The following MEGF11 variants were observed in gnomAD, a reference collection of about 807,000 sequenced individuals.
The protein encoded by MEGF11 is multiple EGF like domains 11.
Under a neutral mutation model 146.6 loss-of-function variants are expected in MEGF11, and 126 were observed. The ratio of observed to expected loss-of-function variants is 0.86; its 90% CI spans 0.74 to 1.00. The LOEUF is 1.00. Ranked by LOEUF, MEGF11 falls within the 50% of genes least tolerant of loss-of-function variation. MEGF11 has a pLI of 0.00. For missense variants in MEGF11, 1,509 were observed against 1,521.2 expected (o/e 0.99, Z 0.13); for synonymous variants, 532 against 583.4 (o/e 0.91, Z 1.27).
intron 5 of MEGF11, among the ~76,000 whole-genome samples, chr15:66,085,811 T>TC (rs1344679749): frequency 3.9e-5 from 6 of 152,120 alleles, no homozygotes; most frequent in Non-Finnish European, 5.9e-5. Context: ...CAGCAATGGA[T>TC]CCAAACCAAG....
rs765630804 is a variant in MEGF11, at chr15:66,123,879, C to G, written c.200+20G>C. 12 of 1,600,556 alleles carry G rather than the reference C, an allele frequency of 7.5e-6. No homozygotes were observed. Among genetic ancestry groups the G allele is most frequent in the African/African-American group, 6.7e-5 (5 of 74,632 alleles). Reference sequence around the variant, plus strand: ...GCCCAGTGCCTTTTCCCTGCCCCATCATCTGAGAGAGGTACTCACCGGTGC... The same window carrying G: ...GCCCAGTGCCTTTTCCCTGCCCCATGATCTGAGAGAGGTACTCACCGGTGC... On this transcript the variant is annotated intron_variant, in intron 3 of 25. Coordinates refer to ENST00000395614, the MANE Select transcript of MEGF11 (RefSeq NM_001385028.1).
At chr15:66,142,384 G>A (rs935992238) in intron 1 of MEGF11, among the ~76,000 whole-genome samples, 4 of 152,312 alleles carry the variant, frequency 2.6e-5, no homozygotes, top group Non-Finnish European at 4.4e-5. Flanking sequence ...CAGAACAGGC[G>A]CCCGCCAGAC....
In MEGF11 at chr15:66,194,242, G is replaced by A. The variant is rs147956234; in HGVS notation, c.-9+59363C>T. Among the ~76,000 whole-genome samples the A allele has an allele frequency of 6.2e-3, 950 of 152,278 alleles. 8 individuals carry two copies. Among genetic ancestry groups the A allele is most frequent in the Middle Eastern group, 0.014 (4 of 294 alleles). On this transcript the variant is annotated intron_variant, in intron 1 of 25. Transcript: ENST00000395614. ...CCTTTATTCTAAGGGAAGCAACTCA[G>A]GAATGGAAAACCCAACATCATATGT...
chr15:65,898,494 T>G (rs575069326), intron 25 of MEGF11: 4 of 985,264 alleles, frequency 4.1e-6, no homozygotes, highest in Admixed American at 6.2e-5. Context: ...CCACCCCCAG[T>G]ATTTGTTTCA....
chr15:66,085,781 A>G (rs1329057641), intron 5 of MEGF11, among the ~76,000 whole-genome samples: 1 of 152,202 alleles, frequency 6.6e-6, no homozygotes, highest in African/African-American at 2.4e-5. Flanking sequence ...CAACACCCCT[A>G]AAAAATCACA....
intron 14 of MEGF11, 71 bp downstream of exon 14, chr15:65,922,752 C>T: frequency 6.5e-7 from 1 of 1,547,544 alleles, no homozygotes; most frequent in Non-Finnish European, 8.8e-7. Flanking sequence ...CAGGCCATGG[C>T]TAGTTCCAAC....
Position 65,913,461 on chromosome 15 carries a change from G to T in MEGF11, c.2710+276C>A. On this transcript the variant is annotated intron_variant, in intron 20 of 25. Transcript: ENST00000395614. ...GTGACTGGTTAGTGTGGGTGCTCCT[G>T]AGGCCGAAGGCTGGTGAGAAGGATA... The T allele has an allele frequency of 9.0e-6, 5 of 556,602 alleles. No homozygotes were observed. In the South Asian group the frequency reaches 1.1e-4, roughly 12 times the overall value. The allele number at this position is 556,602 out of a possible 1,614,324, so 34.5% of individuals were successfully genotyped here.
rs145278836 is a variant in MEGF11 at position 66,117,416 on chromosome 15, C to T, written c.301+1670G>A. 1.5e-3 allele frequency among the ~76,000 whole-genome samples: 231 copies of T among 152,298 alleles called. 2 individuals carry two copies. The highest frequency in any genetic ancestry group is 4.5e-3 in the African/African-American group (188 of 41,552). ...GGAGTAAGTCGGAAGGTATAAACTG[C>T]CCTTGCCAGTCAGCAAGACTGGGCC... On this transcript the variant is annotated intron_variant, in intron 4 of 25. Coordinates refer to ENST00000395614, the MANE Select transcript of MEGF11 (RefSeq NM_001385028.1).
intron 10 of MEGF11, among the ~76,000 whole-genome samples, chr15:65,940,758 A>T (rs1267344076): frequency 6.6e-6 from 1 of 152,296 alleles, no homozygotes. Context: ...TGTGGGGCTG[A>T]GTCATTCTGT....
intron 5 of MEGF11, among the ~76,000 whole-genome samples, chr15:65,996,491 T>G (rs1018852310): frequency 6.3e-4 from 96 of 152,184 alleles, no homozygotes; most frequent in African/African-American, 2.2e-3. Flanking sequence ...ACTTTTTTTT[T>G]TTTTTTTAAT....
At chr15:66,090,896 T>A (rs2086293158) in intron 5 of MEGF11, among the ~76,000 whole-genome samples, 1 of 152,208 alleles carries the variant, frequency 6.6e-6, no homozygotes, top group Non-Finnish European at 1.5e-5. Flanking sequence ...TATATCCAGA[T>A]CTAGCCCAAT....
intron 3 of MEGF11, among the ~76,000 whole-genome samples, chr15:66,123,191 G>A (rs2088138179): frequency 6.6e-6 from 1 of 152,166 alleles, no homozygotes; most frequent in Non-Finnish European, 1.5e-5. Flanking sequence ...TTCCCTGAGT[G>A]ACATGATAAC....
chr15:66,134,578 G>T (rs2088804977), intron 1 of MEGF11, among the ~76,000 whole-genome samples: 1 of 152,168 alleles, frequency 6.6e-6, no homozygotes, highest in Admixed American at 6.5e-5. Flanking sequence ...ATTAAATCAT[G>T]GTGACATCCA....
At chr15:66,215,018 T>A in intron 1 of MEGF11, among the ~76,000 whole-genome samples, 1 of 152,116 alleles carries the variant, frequency 6.6e-6, no homozygotes, top group East Asian at 1.9e-4. Flanking sequence ...GCACATGGAA[T>A]GCACAGGTAA....
intron 4 of MEGF11, among the ~76,000 whole-genome samples, chr15:66,102,929 C>T (rs1597085609): frequency 1.3e-5 from 2 of 152,344 alleles, no homozygotes; most frequent in Middle Eastern, 6.8e-3. Context: ...TTACTGTGTG[C>T]CACACACTGT....
At chr15:66,191,861 G>T (rs1164814533) in intron 1 of MEGF11, among the ~76,000 whole-genome samples, 2 of 150,576 alleles carry the variant, frequency 1.3e-5, no homozygotes, top group Non-Finnish European at 3.0e-5. Flanking sequence ...GGATCACAAG[G>T]TCAAGAGATC....
At chr15:66,140,827 C>T (rs764988440) in intron 1 of MEGF11, among the ~76,000 whole-genome samples, 6 of 152,142 alleles carry the variant, frequency 3.9e-5, no homozygotes, top group African/African-American at 9.7e-5. Flanking sequence ...TGGCAGGAAG[C>T]GGGCCTGGAA....
At chr15:65,974,286 G>A (rs903763489) in intron 7 of MEGF11, among the ~76,000 whole-genome samples, 1 of 152,218 alleles carries the variant, frequency 6.6e-6, no homozygotes, top group East Asian at 1.9e-4. Context: ...GGGCTGAGGC[G>A]GGGAGGGGAG....
At chr15:66,209,342 T>C (rs1319328216) in intron 1 of MEGF11, among the ~76,000 whole-genome samples, 1 of 150,176 alleles carries the variant, frequency 6.7e-6, no homozygotes, top group Non-Finnish European at 1.5e-5. Flanking sequence ...GGAGCAAGAC[T>C]CCATCTTAAA....
Sources: allele counts gnomAD v4.1 joint callset (sites outside exome capture counted in the v4.1 genomes callset), GRCh38; gene constraint gnomAD v4.1.1; transcripts MANE v1.5; gene names NCBI Gene and HGNC (gene_info 2026-07-23, HGNC 2026-07-21).